DPYS: variants seen among roughly 807,000 people sequenced by gnomAD.
DPYS encodes the protein dihydropyrimidinase.
DPYS carries 39 observed loss-of-function variants against 50.3 expected under a neutral mutation model. That is an observed-to-expected ratio of 0.78 (90% CI 0.60 to 1.01). The LOEUF is 1.01. Ranked by LOEUF, DPYS falls within the 50% of genes least tolerant of loss-of-function variation. DPYS has a pLI of 0.00. For missense variants in DPYS, 659 were observed against 680.9 expected, an observed-to-expected ratio of 0.97 and a Z score of 0.36; for synonymous variants, 245 against 250.7, an observed-to-expected ratio of 0.98 and a Z score of 0.22.
intron 3 of DPYS, among the ~76,000 whole-genome samples, chr8:104,445,388 T>C (rs1400212219): frequency 1.3e-5 from 2 of 152,090 alleles, no homozygotes; most frequent in African/African-American, 2.4e-5. Flanking sequence ...AGCAGATGAA[T>C]AGATAAAGAA....
At chr8:104,451,043 A>AT (rs1197678347) in intron 2 of DPYS, among the ~76,000 whole-genome samples, 3 of 152,202 alleles carry the variant, frequency 2.0e-5, no homozygotes, top group African/African-American at 4.8e-5. Context: ...TCTTTATATG[A>AT]TTTTTTTAAT....
At chr8:104,381,421 A>C (rs1191413599) in intron 8 of DPYS, 107 bp from the exon 9 acceptor site, 6 of 1,034,098 alleles carry the variant, frequency 5.8e-6, no homozygotes, top group African/African-American at 1.6e-5. Context: ...GAATCTTATA[A>C]ATTTATCACG....
chr8:104,403,834 G>A (rs1233211575), intron 7 of DPYS, among the ~76,000 whole-genome samples: 1 of 152,202 alleles, frequency 6.6e-6, no homozygotes, highest in Non-Finnish European at 1.5e-5. Flanking sequence ...AAAGAATTGT[G>A]TGAAATCCAC....
chr8:104,444,653 T>C (rs981772767), intron 3 of DPYS, among the ~76,000 whole-genome samples: 2 of 152,204 alleles, frequency 1.3e-5, no homozygotes, highest in Admixed American at 6.5e-5. Flanking sequence ...ATAATTTTGA[T>C]ATTCTAATCA....
chr8:104,388,064 G>C (rs1811268657), intron 8 of DPYS, among the ~76,000 whole-genome samples: 1 of 152,172 alleles, frequency 6.6e-6, no homozygotes, highest in Non-Finnish European at 1.5e-5. Flanking sequence ...TTAACCTGAA[G>C]AAATTAGGAT....
At chr8:104,416,008 C>T (rs1164999518) in intron 7 of DPYS, among the ~76,000 whole-genome samples, 5 of 152,122 alleles carry the variant, frequency 3.3e-5, no homozygotes, top group African/African-American at 4.8e-5. Context: ...TCTTATGATG[C>T]TACCTTAAAA....
In DPYS at chr8:104,456,014, C is replaced by T. The variant is rs563931272; in HGVS notation, c.265-4610G>A. Among the ~76,000 whole-genome samples the T allele has an allele frequency of 8.3e-4, 126 of 152,090 alleles. 1 individual carries two copies. The highest frequency in any genetic ancestry group is 2.9e-3 in the African/African-American group (120 of 41,480). On this transcript the variant is annotated intron_variant, in intron 1 of 9. Coordinates refer to ENST00000351513, the MANE Select transcript of DPYS (RefSeq NM_001385.3). ...CAGTACCACATGTATGACGGTGGCC[C>T]CATAAGATCACAGTACCATATTTGT...
intron 1 of DPYS, among the ~76,000 whole-genome samples, chr8:104,459,939 C>T (rs1814066167): frequency 6.6e-6 from 1 of 152,276 alleles, no homozygotes; most frequent in South Asian, 2.1e-4. Context: ...TTTGTAAGTG[C>T]CTGCTCCGCC....
intron 8 of DPYS, among the ~76,000 whole-genome samples, 179 bp downstream of exon 8, chr8:104,392,605 A>G (rs1811426204): frequency 6.6e-6 from 1 of 152,190 alleles, no homozygotes; most frequent in South Asian, 2.1e-4. Flanking sequence ...CGTGCATCCA[A>G]TAATGATCCT....
chr8:104,424,191 C>A, intron 7 of DPYS, 56 bp downstream of exon 7: 2 of 1,613,272 alleles, frequency 1.2e-6, no homozygotes, highest in Non-Finnish European at 1.7e-6. Flanking sequence ...TATTTCTGTG[C>A]AAGTTAGTGC....
intron 3 of DPYS, among the ~76,000 whole-genome samples, chr8:104,445,427 T>A (rs565622210): frequency 6.6e-6 from 1 of 152,338 alleles, no homozygotes; most frequent in East Asian, 1.9e-4. Context: ...AAGGGAGTAC[T>A]ATTCTGCCAT....
chr8:104,428,332 T>G (rs572963800), intron 5 of DPYS, among the ~76,000 whole-genome samples: 2 of 152,348 alleles, frequency 1.3e-5, no homozygotes, highest in South Asian at 2.1e-4. Flanking sequence ...ATCGGAAGCA[T>G]GATCCAAGAT....
intron 6 of DPYS, among the ~76,000 whole-genome samples, chr8:104,424,739 C>G (rs1812664023): frequency 6.6e-6 from 1 of 151,758 alleles, no homozygotes; most frequent in African/African-American, 2.4e-5. Context: ...CATTTATGAT[C>G]TGACTTATTT....
Position 104,410,380 on chromosome 8 carries a change from C to T in DPYS, c.1235+13867G>A, listed in dbSNP as rs114684360. 2.0e-3 allele frequency among the ~76,000 whole-genome samples: 305 copies of T among 152,222 alleles called. 2 individuals carry two copies. Among genetic ancestry groups the T allele is most frequent in the African/African-American group, 6.9e-3 (285 of 41,544 alleles). ...GACAGGCCTAGACACAAGACTAAAA[C>T]CCTCAGACTCTAGGGTGACCAGGTA... On this transcript the variant is annotated intron_variant, in intron 7 of 9. Coordinates refer to ENST00000351513, the MANE Select transcript of DPYS (RefSeq NM_001385.3).
chr8:104,397,616 C>G (rs1811637858), intron 7 of DPYS, among the ~76,000 whole-genome samples: 1 of 152,128 alleles, frequency 6.6e-6, no homozygotes, highest in East Asian at 1.9e-4. Flanking sequence ...TTCTTAGTGG[C>G]ATCTTAGCTT....
intron 1 of DPYS, among the ~76,000 whole-genome samples, chr8:104,464,305 G>GAA (rs1459525204): frequency 6.6e-6 from 1 of 152,184 alleles, no homozygotes; most frequent in African/African-American, 2.4e-5. Context: ...AATGGCTAAG[G>GAA]AAAAGATAGA....
intron 7 of DPYS, among the ~76,000 whole-genome samples, chr8:104,408,368 C>T (rs1373216321): frequency 6.6e-6 from 1 of 152,002 alleles, no homozygotes; most frequent in African/African-American, 2.4e-5. Flanking sequence ...CCAAAAGAAA[C>T]ATGAACAAAG....
At chr8:104,389,541 T>TTTA (rs201771053) in intron 8 of DPYS, among the ~76,000 whole-genome samples, 13,282 of 99,334 alleles carry the variant, frequency 0.13, 642 homozygotes, top group African/African-American at 0.26. Flanking sequence ...TTCCTTTTAT[T>TTTA]TTTTTTTTTT....
At chr8:104,428,586 C>G (rs910132479) in intron 5 of DPYS, among the ~76,000 whole-genome samples, 2 of 152,366 alleles carry the variant, frequency 1.3e-5, no homozygotes, top group South Asian at 2.1e-4. Flanking sequence ...AGTCCCTAGC[C>G]ACACGGCCAC....
Sources: gnomAD v4.1 joint callset for allele counts (sites outside exome capture counted in the v4.1 genomes callset) on GRCh38, gnomAD v4.1.1 for gene constraint, MANE v1.5 for transcripts, NCBI Gene and HGNC (gene_info 2026-07-23, HGNC 2026-07-21) for gene names.